Variants in ZNG1A observed in about 807,000 individuals in gnomAD.
The protein encoded by ZNG1A is zinc-regulated GTPase metalloprotein activator 1A.
the ZNG1A span, chr9:148,750 AATTTTTCCCT>A: frequency 6.7e-6 from 1 of 148,766 alleles, no homozygotes; most frequent in Non-Finnish European, 1.5e-5. Flanking sequence ...AGAGGCTTTC[AATTTTTCCCT>A]ATGTCTAAAG....
At chr9:166,278 TC>T in the ZNG1A span, 3 of 143,364 alleles carry the variant, frequency 2.1e-5, no homozygotes, top group African/African-American at 8.1e-5. Flanking sequence ...CATTTGGCTC[TC>T]TGAATCACCA....
chr9:163,967 T>C, the ZNG1A span: 1 of 1,590,596 alleles, frequency 6.3e-7, no homozygotes, highest in Non-Finnish European at 8.5e-7. Context: ...GAAAACTGTT[T>C]TTTAACTTAC....
At chr9:176,499 ATTAAG>A in the ZNG1A span, among the ~76,000 whole-genome samples, 2 of 151,688 alleles carry the variant, frequency 1.3e-5, no homozygotes, top group Non-Finnish European at 2.9e-5. Flanking sequence ...TCTGAAATAC[ATTAAG>A]TTTTCTAGTA....
the ZNG1A span, among the ~76,000 whole-genome samples, chr9:128,422 C>A: frequency 6.6e-6 from 1 of 151,790 alleles, no homozygotes; most frequent in East Asian, 1.9e-4. Context: ...AATTAGGAGA[C>A]CTTGTCTTCA....
At chr9:127,532 G>A in the ZNG1A span, among the ~76,000 whole-genome samples, 1 of 152,236 alleles carries the variant, frequency 6.6e-6, no homozygotes, top group Non-Finnish European at 1.5e-5. Flanking sequence ...TGCATGAAAT[G>A]TCTTGGTCCA....
chr9:174,965 T>C, the ZNG1A span, among the ~76,000 whole-genome samples: 11 of 151,714 alleles, frequency 7.3e-5, no homozygotes, highest in Non-Finnish European at 1.5e-4. Flanking sequence ...AAATATTGAG[T>C]TTTAACTGCA....
At chr9:124,055 C>T in the ZNG1A span, among the ~76,000 whole-genome samples, 2 of 152,154 alleles carry the variant, frequency 1.3e-5, no homozygotes, top group Middle Eastern at 3.2e-3. Flanking sequence ...GAGTTCTTAG[C>T]GATGAGAATG....
At chr9:178,949 A>T in the ZNG1A span, 125 of 1,104,578 alleles carry the variant, frequency 1.1e-4, 28 homozygotes, top group East Asian at 3.1e-3. Flanking sequence ...CCTCATCCGC[A>T]GATCCAACAG....
the ZNG1A span, chr9:146,349 C>A: frequency 4.3e-6 from 2 of 460,092 alleles, no homozygotes; most frequent in Non-Finnish European, 3.6e-6. Flanking sequence ...AATTAGGTTT[C>A]TTTAAAACTT....
At chr9:141,982 G>A in the ZNG1A span, among the ~76,000 whole-genome samples, 24,422 of 145,838 alleles carry the variant, frequency 0.17, 2,264 homozygotes, top group East Asian at 0.39. Context: ...AATTCAACAA[G>A]AAGAGCTAAC....
At chr9:154,960 G>C in the ZNG1A span, among the ~76,000 whole-genome samples, 5 of 152,250 alleles carry the variant, frequency 3.3e-5, no homozygotes, top group East Asian at 9.6e-4. Flanking sequence ...GAGTGACTCA[G>C]TTTACTCCTA....
chr9:157,493 T>C, the ZNG1A span, among the ~76,000 whole-genome samples: 1 of 131,232 alleles, frequency 7.6e-6, no homozygotes, highest in Admixed American at 8.0e-5. Context: ...TACAAATGAA[T>C]TAAATCCTTG....
the ZNG1A span, among the ~76,000 whole-genome samples, chr9:133,934 C>T: frequency 7.0e-6 from 1 of 141,894 alleles, no homozygotes; most frequent in Non-Finnish European, 1.5e-5. Context: ...GATGGAGACA[C>T]TGGCCGCCCC....
the ZNG1A span, among the ~76,000 whole-genome samples, chr9:129,646 G>C: frequency 1.3e-5 from 2 of 148,482 alleles, no homozygotes; most frequent in Non-Finnish European, 3.0e-5. Context: ...TAAAACGGTG[G>C]TTACCAGGGG....
At chr9:161,753 C>A in the ZNG1A span, 1 of 528,370 alleles carries the variant, frequency 1.9e-6, no homozygotes, top group Non-Finnish European at 3.4e-6. Context: ...TAAATGCATT[C>A]TAGGACCTTA....
the ZNG1A span, among the ~76,000 whole-genome samples, chr9:141,358 C>T: frequency 6.8e-6 from 1 of 147,688 alleles, no homozygotes; most frequent in South Asian, 2.3e-4. Context: ...AGAAACTCTA[C>T]AAGCCAGAAG....
the ZNG1A span, chr9:146,985 A>G: frequency 5.3e-5 from 8 of 151,356 alleles, no homozygotes; most frequent in African/African-American, 1.5e-4. Flanking sequence ...CATCCTGGCC[A>G]TGGACAACGT....
chr9:152,248 G>A, the ZNG1A span, among the ~76,000 whole-genome samples: 1 of 151,760 alleles, frequency 6.6e-6, no homozygotes, highest in Admixed American at 6.6e-5. Flanking sequence ...AAAAATAATT[G>A]TGATTTTCCT....
chr9:160,445 T>G, the ZNG1A span, among the ~76,000 whole-genome samples: 90 of 152,266 alleles, frequency 5.9e-4, no homozygotes, highest in Admixed American at 2.9e-3. Context: ...CAAAGTTATT[T>G]ATCTGGCATC....
Sources: allele counts gnomAD v4.1 joint callset (sites outside exome capture counted in the v4.1 genomes callset), GRCh38; gene constraint gnomAD v4.1.1; transcripts MANE v1.5; gene names NCBI Gene and HGNC (gene_info 2026-07-23, HGNC 2026-07-21).